The following RAP1GDS1 variants were observed in gnomAD, a reference collection of about 807,000 sequenced individuals.
RAP1GDS1 encodes RAP1, GTP-GDP dissociation stimulator 1.
RAP1GDS1 carries 35 observed loss-of-function variants against 71.1 expected under a neutral mutation model. The observed-to-expected ratio is 0.49, with a 90% confidence interval of 0.38 to 0.65. The LOEUF (loss-of-function observed/expected upper bound fraction) is 0.65. RAP1GDS1 is among the 30% of genes least tolerant of loss of function. The pLI is 0.00. For synonymous variants in RAP1GDS1, 229 were observed against 243.1 expected (o/e 0.94, Z 0.54); for missense variants, 663 against 706.1 (o/e 0.94, Z 0.69).
chr4:98,439,227 T>A (rs1360931223), intron 14 of RAP1GDS1, among the ~76,000 whole-genome samples: 3 of 152,196 alleles, frequency 2.0e-5, no homozygotes, highest in East Asian at 3.9e-4. Flanking sequence ...TTTCTTTCTT[T>A]ACTTGAAAAC....
intron 11 of RAP1GDS1, 152 bp downstream of exon 11, chr4:98,420,296 G>T: frequency 2.0e-6 from 1 of 488,302 alleles, no homozygotes; most frequent in Non-Finnish European, 3.1e-6. Flanking sequence ...AACTCCATTT[G>T]TTAATTTTTA....
At chr4:98,336,956 A>G (rs1473003577) in intron 2 of RAP1GDS1, among the ~76,000 whole-genome samples, 1 of 151,932 alleles carries the variant, frequency 6.6e-6, no homozygotes, top group Non-Finnish European at 1.5e-5. Context: ...GTGCAGTGGC[A>G]TGATCTCAGC....
intron 2 of RAP1GDS1, among the ~76,000 whole-genome samples, chr4:98,308,252 G>GTA (rs200869864): frequency 4.7e-5 from 5 of 106,434 alleles, no homozygotes; most frequent in Admixed American, 3.2e-4. Context: ...GTATATACAT[G>GTA]TATATATACA....
intron 5 of RAP1GDS1, among the ~76,000 whole-genome samples, chr4:98,384,570 A>G (rs1428207286): frequency 1.3e-5 from 2 of 151,688 alleles, no homozygotes. Context: ...AGACCAGGTT[A>G]GCTTTTAGTG....
intron 2 of RAP1GDS1, among the ~76,000 whole-genome samples, chr4:98,332,645 C>G (rs1734168459): frequency 6.6e-6 from 1 of 152,060 alleles, no homozygotes; most frequent in Admixed American, 6.5e-5. Context: ...AACTATACCT[C>G]AAGAAATGAA....
chr4:98,442,186 C>T lies in RAP1GDS1; in HGVS notation c.*69C>T, dbSNP rs762882701. The T allele has an allele frequency of 1.3e-5, 20 of 1,575,124 alleles. No homozygotes were observed. The highest frequency in any genetic ancestry group is 1.8e-4 in the Middle Eastern group (1 of 5,626). ...CTGTCCTCCATCCAGCGGCTTCTTC[C>T]GCTTCATTCTCTACCATACCACTTG... On this transcript the variant is annotated 3_prime_UTR_variant, in exon 15 of 15. Transcript: ENST00000408927.
intron 2 of RAP1GDS1, among the ~76,000 whole-genome samples, chr4:98,341,546 C>G (rs1345431531): frequency 1.3e-5 from 2 of 152,194 alleles, no homozygotes; most frequent in Non-Finnish European, 2.9e-5. Flanking sequence ...ATGATTCATG[C>G]CTTATGCCAG....
intron 9 of RAP1GDS1, among the ~76,000 whole-genome samples, chr4:98,417,944 A>G (rs1449152552): frequency 6.6e-6 from 1 of 152,140 alleles, no homozygotes; most frequent in Non-Finnish European, 1.5e-5. Flanking sequence ...ATAATGTTTC[A>G]GGGGGCGCCA....
At chr4:98,387,115 A>G (rs1479338770) in intron 5 of RAP1GDS1, among the ~76,000 whole-genome samples, 3 of 152,178 alleles carry the variant, frequency 2.0e-5, no homozygotes, top group Non-Finnish European at 4.4e-5. Flanking sequence ...TGGCAATATC[A>G]TATCATTATA....
intron 12 of RAP1GDS1, among the ~76,000 whole-genome samples, chr4:98,432,961 A>AAC (rs1750648647): frequency 7.7e-6 from 1 of 129,902 alleles, no homozygotes; most frequent in Non-Finnish European, 1.7e-5. Context: ...ACTTTGTAAT[A>AAC]ACAAAAACCT....
At chr4:98,304,466 T>C (rs1383243813) in intron 2 of RAP1GDS1, among the ~76,000 whole-genome samples, 1 of 152,158 alleles carries the variant, frequency 6.6e-6, no homozygotes, top group Non-Finnish European at 1.5e-5. Context: ...AGCTTTTTTT[T>C]CCTGTTTGTT....
At chr4:98,299,620 T>G (rs1425256568) in intron 2 of RAP1GDS1, among the ~76,000 whole-genome samples, 2 of 142,818 alleles carry the variant, frequency 1.4e-5, no homozygotes, top group South Asian at 2.2e-4. Flanking sequence ...AAGAAAGTGG[T>G]TTTTTTTTTT....
At chr4:98,356,011 C>T (rs563883275) in intron 4 of RAP1GDS1, among the ~76,000 whole-genome samples, 5 of 152,066 alleles carry the variant, frequency 3.3e-5, no homozygotes, top group Admixed American at 6.6e-5. Context: ...ATTTCTCTTT[C>T]GAAGTATCCG....
intron 3 of RAP1GDS1, among the ~76,000 whole-genome samples, chr4:98,349,596 C>T (rs559516142): frequency 1.3e-5 from 2 of 152,126 alleles, no homozygotes; most frequent in Admixed American, 6.6e-5. Context: ...GTCCTATCCA[C>T]GAGCATAGAA....
At chr4:98,276,783 C>A (rs1196329013) in intron 1 of RAP1GDS1, among the ~76,000 whole-genome samples, 1 of 152,076 alleles carries the variant, frequency 6.6e-6, no homozygotes, top group Non-Finnish European at 1.5e-5. Flanking sequence ...ATGAGTTTTG[C>A]CCTAAGAATG....
Position 98,380,632 on chromosome 4 carries a change from T to C in RAP1GDS1, c.508+1469T>C, listed in dbSNP as rs182709296. 7.3e-3 allele frequency among the ~76,000 whole-genome samples: 1,116 copies of C among 151,864 alleles called. 11 individuals are homozygous for C. Among genetic ancestry groups the C allele is most frequent in the Non-Finnish European group, 0.012 (803 of 67,782 alleles). ...GAGCCTGAGAAATCCACAAAATAAATACATATTTCCTAAATAATTGAAATT... is the reference window on the plus strand; with the variant it reads ...GAGCCTGAGAAATCCACAAAATAAACACATATTTCCTAAATAATTGAAATT... On this transcript the variant is annotated intron_variant, in intron 5 of 14. Transcript: ENST00000408927.
intron 1 of RAP1GDS1, among the ~76,000 whole-genome samples, chr4:98,268,125 C>G (rs1722954362): frequency 1.3e-5 from 2 of 152,122 alleles, no homozygotes; most frequent in Non-Finnish European, 2.9e-5. Flanking sequence ...ACGTCATGAT[C>G]AAGTGGGATT....
intron 6 of RAP1GDS1, among the ~76,000 whole-genome samples, chr4:98,401,400 GGAAA>G (rs1445005967): frequency 3.3e-5 from 5 of 152,088 alleles, no homozygotes; most frequent in South Asian, 2.1e-4. Context: ...GGTGAACACA[GGAAA>G]GAAAGAAAAC....
chr4:98,399,817 C>A (rs1745109372), intron 6 of RAP1GDS1, among the ~76,000 whole-genome samples: 1 of 152,068 alleles, frequency 6.6e-6, no homozygotes, highest in African/African-American at 2.4e-5. Context: ...AAAGAACTCA[C>A]ACTGGGAGTG....
Sources: gnomAD v4.1 joint callset for allele counts (sites outside exome capture counted in the v4.1 genomes callset) on GRCh38, gnomAD v4.1.1 for gene constraint, MANE v1.5 for transcripts, NCBI Gene and HGNC (gene_info 2026-07-23, HGNC 2026-07-21) for gene names.